The following CFB variants were observed in gnomAD, a reference collection of about 807,000 sequenced individuals.
CFB encodes B-factor, properdin.
In CFB, 59 loss-of-function variants were observed where a neutral mutation model predicts 97.2. That is an observed-to-expected ratio of 0.61 (90% confidence interval 0.49 to 0.75). The LOEUF (loss-of-function observed/expected upper bound fraction) is 0.75. CFB is among the 30% of genes least tolerant of loss of function. The pLI is 0.00. For missense variants in CFB, 771 were observed against 959.8 expected, an observed-to-expected ratio of 0.80 and a Z score of 2.60; for synonymous variants, 316 against 351.7, an observed-to-expected ratio of 0.90 and a Z score of 1.14.
chr6:31,950,596 T>C, intron 12 of CFB, 23 bp from the exon 13 acceptor site: 1 of 1,612,490 alleles, frequency 6.2e-7, no homozygotes, highest in Non-Finnish European at 8.5e-7. Context: ...CACAAAGAGG[T>C]GGTACCTACT....
In CFB at chr6:31,947,474, C is replaced by T. The variant is rs558967629; in HGVS notation, c.611C>T (p.Thr204Met). Residue 204 changes from threonine (T) to methionine (M), a missense_variant, in exon 4 of 18, where the codon ACG (threonine) becomes ATG (methionine). Transcript: ENST00000425368. This position sits in a 1 kb window ranked among gnomAD's most constrained non-coding sequence, Gnocchi z 5.3. Reference sequence around the variant, plus strand: ...ACCCTGCGTGGCTCCCAGCGGCGAACGTGTCAGGAAGGTGGCTCTTGGAGC... The same window carrying T: ...ACCCTGCGTGGCTCCCAGCGGCGAATGTGTCAGGAAGGTGGCTCTTGGAGC... ...GLTLRGSQRR[T>M]CQEGGSWSGT... 8.1e-6 allele frequency: 13 copies of T among 1,613,012 alleles called. No homozygotes were observed. The highest frequency in any genetic ancestry group is 9.3e-6 in the Non-Finnish European group (11 of 1,180,004).
In CFB at chr6:31,947,714, C is replaced by T. The variant is rs547384497; in HGVS notation, c.659-28C>T. The stretch of plus-strand genomic sequence containing the variant: ...TCACTGTATCCCTGACACTCCCAGA[C>T]ATTTGACCTCATTTCTGACTCTCCC... On this transcript the variant is annotated intron_variant, in intron 4 of 17. Coordinates refer to ENST00000425368, the MANE Select transcript of CFB (RefSeq NM_001710.6). This position sits in a 1 kb window ranked among gnomAD's most constrained non-coding sequence, Gnocchi z 5.3. 7 of 1,609,060 alleles carry T rather than the reference C, an allele frequency of 4.4e-6. No homozygotes were observed. In the African/African-American group the frequency reaches 8.0e-5, roughly 18 times the overall value.
chr6:31,946,189 C>T lies in CFB; in HGVS notation c.-33C>T. On this transcript the variant is annotated 5_prime_UTR_variant, in exon 1 of 18. Coordinates refer to ENST00000425368, the MANE Select transcript of CFB (RefSeq NM_001710.6). The surrounding 1 kb of genome is among the most constrained non-coding windows in gnomAD (Gnocchi z 6.4). The stretch of plus-strand genomic sequence containing the variant: ...GCAAGCCAGGACACACCATCCTGCC[C>T]CAGGCCCAGCTTCTCTCCTGCCTTC... 6.2e-7 allele frequency: 1 copy of T among 1,611,842 alleles called. No homozygotes were observed. Among genetic ancestry groups the T allele is most frequent in the Non-Finnish European group, 8.5e-7 (1 of 1,178,896 alleles).
At position 31,952,039 on chromosome 6, in the gene CFB, C is replaced by G. The variant is rs367632429; in HGVS notation, c.*9C>G. 1.9e-6 allele frequency: 3 copies of G among 1,612,568 alleles called. No homozygotes were observed. The highest frequency in any genetic ancestry group is 2.5e-6 in the Non-Finnish European group (3 of 1,180,022). ...ATTTGGGTTTTCTATAAGGGGTTTCCTGCTGGACAGGGGCGTGGGATTGAA... is the reference window on the plus strand; with the variant it reads ...ATTTGGGTTTTCTATAAGGGGTTTCGTGCTGGACAGGGGCGTGGGATTGAA... On this transcript the variant is annotated 3_prime_UTR_variant, in exon 18 of 18. Transcript: ENST00000425368.
chr6:31,951,749 A>C lies in CFB; in HGVS notation c.2140-126A>C. 2 of 1,579,480 alleles carry C rather than the reference A, an allele frequency of 1.3e-6. No individual in the cohort carries two copies. Among genetic ancestry groups the C allele is most frequent in the Non-Finnish European group, 1.7e-6 (2 of 1,149,426 alleles). ...CCGCATGTCTTGCCTGCGTGTGTCA[A>C]GAACGAGGCTGAGCTGGGTCCCTAG... On this transcript the variant is annotated intron_variant, in intron 17 of 17. Transcript: ENST00000425368. The surrounding 1 kb of genome is among the most constrained non-coding windows in gnomAD (Gnocchi z 4.3).
Position 31,947,442 on chromosome 6 carries a change from G to A in CFB, c.579G>A (p.Arg193=). Residue 193 remains arginine, a synonymous_variant, in exon 4 of 18, where the codon CGG becomes CGA. Transcript: ENST00000425368. This position sits in a 1 kb window ranked among gnomAD's most constrained non-coding sequence, Gnocchi z 5.3. The part of the protein sequence containing the change: ...LEDSVTYHCS[R]GLTLRGSQRR... ...ACAGCGTCACCTACCACTGCAGCCGGGGGCTTACCCTGCGTGGCTCCCAGC... is the reference window on the plus strand; with the variant it reads ...ACAGCGTCACCTACCACTGCAGCCGAGGGCTTACCCTGCGTGGCTCCCAGC... 3.7e-6 allele frequency: 6 copies of A among 1,613,004 alleles called. No individual in the cohort carries two copies. The highest frequency in any genetic ancestry group is 5.1e-6 in the Non-Finnish European group (6 of 1,179,996).
chr6:31,949,524 G>C lies in CFB; in HGVS notation c.1375G>C (p.Glu459Gln). 1.9e-6 allele frequency: 3 copies of C among 1,613,354 alleles called. No homozygotes were observed. The highest frequency in any genetic ancestry group is 2.5e-6 in the Non-Finnish European group (3 of 1,180,034). ...ACATGTGTTCAAAGTCAAGGATATG[G>C]AAAACCTGGAAGATGTTTTCTACCA... ...EQHVFKVKDM[E>Q]NLEDVFYQMI... The change falls in exon 10 of 18, where the codon GAA (glutamate) becomes CAA (glutamine). Residue 459 changes from glutamate (E) to glutamine (Q), a missense_variant. Glu to Gln is a conservative substitution (Grantham distance 29). Transcript: ENST00000425368.
At chr6:31,948,167 A>C in intron 6 of CFB, 86 bp downstream of exon 6, 1 of 1,570,144 alleles carries the variant, frequency 6.4e-7, no homozygotes, top group Non-Finnish European at 8.7e-7. Context: ...AGCCCCTCTG[A>C]ACAACAGGGC....
At position 31,951,700 on chromosome 6, in the gene CFB, G is replaced by A. The variant is rs776436917; in HGVS notation, c.2139+96G>A. 6.3e-7 allele frequency: 1 copy of A among 1,584,096 alleles called. No individual in the cohort carries two copies. Among genetic ancestry groups the A allele is most frequent in the Admixed American group, 1.7e-5 (1 of 59,980 alleles). The stretch of plus-strand genomic sequence containing the variant: ...TGCATGTGGCTAGTAATTCGAGGTA[G>A]GCAGAGCCTGCCTCACCTTAGGACC... On this transcript the variant is annotated intron_variant, in intron 17 of 17. Transcript: ENST00000425368. The surrounding 1 kb of genome is among the most constrained non-coding windows in gnomAD (Gnocchi z 4.3).
In CFB at chr6:31,948,526, G is replaced by A; in HGVS notation, c.1036+14G>A. 6.2e-7 allele frequency: 1 copy of A among 1,613,998 alleles called. No homozygotes were observed. On this transcript the variant is annotated intron_variant, in intron 7 of 17. Coordinates refer to ENST00000425368, the MANE Select transcript of CFB (RefSeq NM_001710.6). ...TCAATTATGAAGGTCAGAGGTTAGG[G>A]AATGGTGGGAGGTTCACTTTGGGGT...
chr6:31,946,956 T>C lies in CFB; in HGVS notation c.299-51T>C. 6.3e-7 allele frequency: 1 copy of C among 1,592,018 alleles called. No individual in the cohort carries two copies. Among genetic ancestry groups the C allele is most frequent in the Non-Finnish European group, 8.6e-7 (1 of 1,160,964 alleles). ...TCTCCGAGACCAGGAGGGATACACC[T>C]AAGGCAGCCTTTCCCTCTTGATGAC... On this transcript the variant is annotated intron_variant, in intron 2 of 17. Transcript: ENST00000425368. This position sits in a 1 kb window ranked among gnomAD's most constrained non-coding sequence, Gnocchi z 6.4.
Position 31,947,588 on chromosome 6 carries a change from T to C in CFB, c.658+67T>C. The C allele has an allele frequency of 6.2e-7, 1 of 1,601,662 alleles. No homozygotes were observed. Among genetic ancestry groups the C allele is most frequent in the East Asian group, 2.2e-5 (1 of 44,808 alleles). Reference sequence around the variant, plus strand: ...CATCCTACTGTCTTCTCTCCCCACCTCAACCCTGCTCTTTCCTCACTTTGT... The same window carrying C: ...CATCCTACTGTCTTCTCTCCCCACCCCAACCCTGCTCTTTCCTCACTTTGT... On this transcript the variant is annotated intron_variant, in intron 4 of 17. Coordinates refer to ENST00000425368, the MANE Select transcript of CFB (RefSeq NM_001710.6). The surrounding 1 kb of genome is among the most constrained non-coding windows in gnomAD (Gnocchi z 5.3).
At chr6:31,948,592 G>C in intron 7 of CFB, 80 bp downstream of exon 7, 1 of 1,597,852 alleles carries the variant, frequency 6.3e-7, no homozygotes, top group Non-Finnish European at 8.5e-7. Context: ...ACTACCTTGA[G>C]GGCGACAGGG....
chr6:31,947,634 A>G lies in CFB; in HGVS notation c.659-108A>G, dbSNP rs542289635. 3.8e-6 allele frequency: 6 copies of G among 1,576,408 alleles called. No individual in the cohort carries two copies. The highest frequency in any genetic ancestry group is 2.2e-5 in the East Asian group (1 of 44,698). On this transcript the variant is annotated intron_variant, in intron 4 of 17. Transcript: ENST00000425368. This position sits in a 1 kb window ranked among gnomAD's most constrained non-coding sequence, Gnocchi z 5.3. ...TTTGTTTAAACCTCCCTGTACAACT[A>G]TCTCACTTCTGAGCCTTTTATACCC...
Position 31,946,361 on chromosome 6 carries a change from C to G in CFB, c.65-12C>G. On this transcript the variant is annotated splice_polypyrimidine_tract_variant and intron_variant, in intron 1 of 17. Coordinates refer to ENST00000425368, the MANE Select transcript of CFB (RefSeq NM_001710.6). This position sits in a 1 kb window ranked among gnomAD's most constrained non-coding sequence, Gnocchi z 6.4. The stretch of plus-strand genomic sequence containing the variant: ...CCTTTTGGGGCCAGGCTTCATCAGC[C>G]TTTCTCTTCAGGTGTGACCACCACT... 1 of 1,613,094 alleles carries G rather than the reference C, an allele frequency of 6.2e-7. No individual in the cohort carries two copies.
In CFB at chr6:31,948,069, C is replaced by T. The variant is rs769031315; in HGVS notation, c.885C>T (p.Asn295=). The T allele has an allele frequency of 2.5e-6, 4 of 1,614,156 alleles. No individual in the cohort carries two copies. The highest frequency in any genetic ancestry group is 4.5e-5 in the East Asian group (2 of 44,874). The change falls in exon 6 of 18, where the codon AAC becomes AAT. Residue 295 remains asparagine, a synonymous_variant. Coordinates refer to ENST00000425368, the MANE Select transcript of CFB (RefSeq NM_001710.6). The stretch of plus-strand genomic sequence containing the variant: ...CAGGAGCCAAAAAGTGTCTAGTCAA[C>T]TTAATTGAGAAGGTGGAATCCTCCT... ...NFTGAKKCLV[N]LIEKVASYGV... is the part of the protein sequence containing the mutation.
At position 31,951,576 on chromosome 6, in the gene CFB, T is replaced by C. The variant is rs923066024; in HGVS notation, c.2111T>C (p.Ile704Thr). 5.0e-6 allele frequency: 8 copies of C among 1,614,190 alleles called. No individual in the cohort carries two copies. Among genetic ancestry groups the C allele is most frequent in the Non-Finnish European group, 6.8e-6 (8 of 1,180,036 alleles). ...TCRGDSGGPLIVHKRSRFIQV... is the reference protein window; with the variant it reads ...TCRGDSGGPLTVHKRSRFIQV... Reference sequence around the variant, plus strand: ...GCAGGTGATTCTGGCGGCCCCTTGATAGTTCACAAGAGAAGTCGTTTCATT... The same window carrying C: ...GCAGGTGATTCTGGCGGCCCCTTGACAGTTCACAAGAGAAGTCGTTTCATT... The change falls in exon 17 of 18, where the codon ATA (isoleucine) becomes ACA (threonine). Residue 704 changes from isoleucine (I) to threonine (T), a missense_variant. Physicochemically the swap from Ile to Thr is moderately conservative, Grantham distance 89 (BLOSUM62 -1). Transcript: ENST00000425368. This position sits in a 1 kb window ranked among gnomAD's most constrained non-coding sequence, Gnocchi z 4.3.
intron 7 of CFB, 115 bp downstream of exon 7, chr6:31,948,627 G>C: frequency 1.3e-6 from 2 of 1,542,042 alleles, no homozygotes; most frequent in South Asian, 2.3e-5. Context: ...GTCAAAAGTT[G>C]AACAGCAGGA....
rs375595024 is a variant in CFB, at chr6:31,947,327, C to A, written c.485-21C>A. On this transcript the variant is annotated intron_variant, in intron 3 of 17. Transcript: ENST00000425368. The surrounding 1 kb of genome is among the most constrained non-coding windows in gnomAD (Gnocchi z 5.3). ...GGGCCTCAGGCTTCAGTGCTTACCT[C>A]GATGTCTCATACCTCTGCAGCGGGG... The A allele has an allele frequency of 2.5e-5, 40 of 1,612,846 alleles. No homozygotes were observed. The African/African-American group carries it at 3.5e-4, about 14-fold the overall frequency.
Sources: allele counts gnomAD v4.1 joint callset, GRCh38; gene constraint gnomAD v4.1.1; non-coding constraint Gnocchi (gnomAD v3.1); transcripts MANE v1.5; gene names NCBI Gene and HGNC (gene_info 2026-07-23, HGNC 2026-07-21).